The following CKAP5 variants were observed in gnomAD, a reference collection of about 807,000 sequenced individuals.
The protein encoded by CKAP5 is cytoskeleton associated protein 5, also known as cytoskeleton-associated protein 5.
In CKAP5, 27 loss-of-function variants were observed where a neutral mutation model predicts 232.8. The ratio of observed to expected loss-of-function variants is 0.12; its 90% confidence interval spans 0.09 to 0.16. The LOEUF (loss-of-function observed/expected upper bound fraction) is 0.16. CKAP5 is among the 10% of genes least tolerant of loss of function. CKAP5 has a pLI of 1.00. For synonymous variants in CKAP5, 785 were observed against 841.1 expected (o/e 0.93, Z 1.16); for missense variants, 1,838 against 2,424.7 (o/e 0.76, Z 5.08).
rs145276355 is a variant in CKAP5 at position 46,771,100 on chromosome 11, T to G, written c.2992-118A>C. The stretch of plus-strand genomic sequence containing the variant: ...CTGAATTAGCTTTCACACTATAACT[T>G]TCCAATATGAAATCAGTACTTTTCA... On this transcript the variant is annotated intron_variant, in intron 24 of 43. Transcript: ENST00000529230. 1.6e-3 allele frequency: 1,176 copies of G among 754,630 alleles called. 10 individuals carry two copies. The African/African-American group carries it at 0.019, about 12-fold the overall frequency. 46.7% of individuals were successfully genotyped at this position (754,630 alleles called of 1,614,324 possible).
chr11:46,797,691 C>A (rs1295205948), intron 11 of CKAP5, 114 bp downstream of exon 11: 1 of 1,073,260 alleles, frequency 9.3e-7, no homozygotes, highest in Non-Finnish European at 1.3e-6. Flanking sequence ...CTCTGCTCCT[C>A]AAAAGATCAT....
chr11:46,758,662 T>C (rs947727994), intron 35 of CKAP5: 11 of 303,042 alleles, frequency 3.6e-5, no homozygotes, highest in South Asian at 1.2e-4. Flanking sequence ...TGCCTGTGAA[T>C]AGCCACTGTA....
chr11:46,805,995 G>C (rs1385438755), intron 8 of CKAP5, among the ~76,000 whole-genome samples: 1 of 152,120 alleles, frequency 6.6e-6, no homozygotes, highest in Non-Finnish European at 1.5e-5. Context: ...AAAAAGAAAA[G>C]AAAATGTCGT....
At chr11:46,790,268 C>T (rs959419349) in intron 14 of CKAP5, 82 bp from the exon 15 acceptor site, 2 of 947,154 alleles carry the variant, frequency 2.1e-6, no homozygotes, top group African/African-American at 3.3e-5. Context: ...CCAGCCAAAA[C>T]TAAAAGAATA....
intron 1 of CKAP5, among the ~76,000 whole-genome samples, chr11:46,831,879 T>TC (rs1305859044): frequency 1.3e-5 from 2 of 150,968 alleles, no homozygotes; most frequent in African/African-American, 4.9e-5. Context: ...TTTTTTTTTT[T>TC]TCTGAGACAG....
At chr11:46,765,404 T>C (rs760273394) in intron 27 of CKAP5, 148 bp from the exon 28 acceptor site, 35 of 709,296 alleles carry the variant, frequency 4.9e-5, no homozygotes, top group Middle Eastern at 5.1e-4. Flanking sequence ...CACAGAATCT[T>C]GTATATGTTT....
intron 13 of CKAP5, among the ~76,000 whole-genome samples, chr11:46,791,132 T>A (rs1043441285): frequency 6.6e-6 from 1 of 152,136 alleles, no homozygotes; most frequent in Admixed American, 6.5e-5. Context: ...AAAACTTGAA[T>A]TTAGAATTAA....
At chr11:46,818,603 C>G (rs780073469) in intron 2 of CKAP5, 100 bp from the exon 3 acceptor site, 2 of 864,800 alleles carry the variant, frequency 2.3e-6, no homozygotes, top group Non-Finnish European at 1.7e-6. Context: ...AATGAATATC[C>G]TATGTCAGGT....
In CKAP5 at chr11:46,743,938, C is replaced by T. The variant is rs1035970544; in HGVS notation, c.*85G>A. The T allele has an allele frequency of 6.6e-5, 102 of 1,551,944 alleles. No individual in the cohort carries two copies. The highest frequency in any genetic ancestry group is 8.1e-5 in the Non-Finnish European group (92 of 1,132,142). ...GATACATACAACCAGTTTGTATACA[C>T]TAGGCCTGCTGAGGCCATTTTAAAC... On this transcript the variant is annotated 3_prime_UTR_variant, in exon 44 of 44. Coordinates refer to ENST00000529230, the MANE Select transcript of CKAP5 (RefSeq NM_001008938.4).
chr11:46,763,443 G>A, intron 29 of CKAP5, 38 bp downstream of exon 29: 1 of 1,544,476 alleles, frequency 6.5e-7, no homozygotes, highest in Non-Finnish European at 8.7e-7. Context: ...ATTTTTACAT[G>A]TCTGAAATAC....
rs780381545 is a variant in CKAP5 at position 46,778,486 on chromosome 11, AACG to A, written c.2544_2546del (p.Val849del). ...TGATCTCCGTCCTCGGCAAAAGATCAACGACATCATTGCTCCCGTCATCTGGTT... is the reference window on the plus strand; with the variant it reads ...TGATCTCCGTCCTCGGCAAAAGATCAACATCATTGCTCCCGTCATCTGGTT... On this transcript the variant is annotated inframe_deletion, in exon 21 of 44. Transcript: ENST00000529230. The A allele has an allele frequency of 1.5e-5, 25 of 1,614,040 alleles. No homozygotes were observed. In the African/African-American group the frequency reaches 3.1e-4, roughly 20 times the overall value.
chr11:46,799,120 C>T (rs970616517), intron 9 of CKAP5, among the ~76,000 whole-genome samples: 1 of 152,152 alleles, frequency 6.6e-6, no homozygotes, highest in Non-Finnish European at 1.5e-5. Context: ...TCATCTCAGC[C>T]TCCCGAGTAG....
Position 46,797,871 on chromosome 11 carries a change from G to C in CKAP5, c.1272C>G (p.Phe424Leu). The stretch of plus-strand genomic sequence containing the variant: ...GCAGGGTAGAAGCAGTGCAGTGGCG[G>C]AAACTTCTTGCAATAAAAAGAGATG... ...QQTSLFIARS[F>L]RHCTASTLPK... The change falls in exon 11 of 44, where the codon TTC becomes TTG. Residue 424 changes from phenylalanine to leucine, a missense_variant. Physicochemically the swap from Phe to Leu is conservative, Grantham distance 22. Around this residue, in one of 6 missense-constraint regions of CKAP5, gnomAD observed 767 missense variants for 954.6 expected, o/e 0.80. Transcript: ENST00000529230. 2 of 1,614,066 alleles carry C rather than the reference G, an allele frequency of 1.2e-6. No homozygotes were observed. The highest frequency in any genetic ancestry group is 2.2e-5 in the South Asian group (2 of 91,072).
At chr11:46,841,131 G>C (rs1453578233) in intron 1 of CKAP5, among the ~76,000 whole-genome samples, 1 of 152,252 alleles carries the variant, frequency 6.6e-6, no homozygotes, top group East Asian at 1.9e-4. Flanking sequence ...TTAGATGGGT[G>C]TTGTGGTGGG....
At chr11:46,768,902 A>G (rs556851463) in intron 26 of CKAP5, among the ~76,000 whole-genome samples, 25 of 151,628 alleles carry the variant, frequency 1.6e-4, no homozygotes, top group African/African-American at 6.0e-4. Context: ...CAGGTTATAT[A>G]TTATCAAATT....
At position 46,845,817 on chromosome 11, in the gene CKAP5, G is replaced by A. The variant is rs549510136; in HGVS notation, c.-38+403C>T. 1.6e-3 allele frequency among the ~76,000 whole-genome samples: 249 copies of A among 152,334 alleles called. 1 individual carries two copies. The highest frequency in any genetic ancestry group is 5.8e-3 in the African/African-American group (241 of 41,586). On this transcript the variant is annotated intron_variant, in intron 1 of 43. Transcript: ENST00000529230. The stretch of plus-strand genomic sequence containing the variant: ...CTTCGCAACCACCACAGCCCTCGTA[G>A]GCGCTTACTTATTCATTCACTTGAC...
At chr11:46,845,105 T>C (rs186330979) in intron 1 of CKAP5, among the ~76,000 whole-genome samples, 28 of 152,374 alleles carry the variant, frequency 1.8e-4, no homozygotes, top group African/African-American at 6.0e-4. Flanking sequence ...CAAAGTCTTC[T>C]ACAATTTCTT....
rs1452673604 is a variant in CKAP5 at position 46,802,991 on chromosome 11, T to C, written c.979-1687A>G. ...AACTTTGCAGATTCACAGCCAGGCATGGTGGTTCACGCTTGTAACCTCAGG... is the reference window on the plus strand; with the variant it reads ...AACTTTGCAGATTCACAGCCAGGCACGGTGGTTCACGCTTGTAACCTCAGG... On this transcript the variant is annotated intron_variant, in intron 8 of 43. Transcript: ENST00000529230. 3.9e-5 allele frequency among the ~76,000 whole-genome samples: 6 copies of C among 152,122 alleles called. No homozygotes were observed. The East Asian group carries it at 1.2e-3, about 30-fold the overall frequency.
chr11:46,814,282 C>T (rs1405743133), intron 4 of CKAP5, among the ~76,000 whole-genome samples: 2 of 151,632 alleles, frequency 1.3e-5, no homozygotes, highest in African/African-American at 2.4e-5. Flanking sequence ...ATACTGTTTA[C>T]TACTCAGAAA....
Sources: gnomAD v4.1 joint callset for allele counts (sites outside exome capture counted in the v4.1 genomes callset) on GRCh38, gnomAD v4.1.1 for gene constraint, gnomAD v4.1.1 regional missense constraint, MANE v1.5 for transcripts, NCBI Gene and HGNC (gene_info 2026-07-23, HGNC 2026-07-21) for gene names.